Variants in RTKN2 observed in about 807,000 individuals in gnomAD.
The protein encoded by RTKN2 is rhotekin 2.
In RTKN2, 69 loss-of-function variants were observed where a neutral mutation model predicts 71.5. The observed-to-expected ratio is 0.96, with a 90% CI of 0.79 to 1.18. The LOEUF is 1.18. Among genes scored for constraint, RTKN2 ranks in the 50% most tolerant of loss-of-function variants. The pLI is 0.00. For missense variants in RTKN2, 724 were observed against 719.7 expected, an observed-to-expected ratio of 1.01 and a Z score of -0.07; for synonymous variants, 236 against 236.5, an observed-to-expected ratio of 1.00 and a Z score of 0.02.
At chr10:62,200,883 T>A (rs958004514) in intron 10 of RTKN2, among the ~76,000 whole-genome samples, 1 of 152,104 alleles carries the variant, frequency 6.6e-6, no homozygotes, top group African/African-American at 2.4e-5. Flanking sequence ...AAGAAAAAAA[T>A]AGTCTTGAAT....
rs1218559774 is a variant in RTKN2 at position 62,200,288 on chromosome 10, G to A, written c.1187-427C>T. Reference sequence around the variant, plus strand: ...TGAGGCAGGAGGATCACTTGAACTTGGGAGGCAGAGGTTACAATGAGCCGA... The same window carrying A: ...TGAGGCAGGAGGATCACTTGAACTTAGGAGGCAGAGGTTACAATGAGCCGA... On this transcript the variant is annotated intron_variant, in intron 10 of 11. Coordinates refer to ENST00000373789, the MANE Select transcript of RTKN2 (RefSeq NM_145307.4). 2.8e-5 allele frequency among the ~76,000 whole-genome samples: 4 copies of A among 141,952 alleles called. 1 individual carries two copies. The highest frequency in any genetic ancestry group is 7.1e-3 in the Middle Eastern group (2 of 282). The allele number at this position is 141,952 out of a possible 152,430, so 93.1% of individuals were successfully genotyped here. A position where few individuals can be genotyped will look rare whatever the true frequency, so the allele number is the denominator to read the frequency against.
intron 1 of RTKN2, 51 bp downstream of exon 1, chr10:62,268,500 C>T: frequency 6.6e-7 from 1 of 1,515,350 alleles, no homozygotes; most frequent in Non-Finnish European, 9.0e-7. Flanking sequence ...GCGCGAGGAA[C>T]AGAACCCCGG....
chr10:62,229,767 T>C (rs1198465007), intron 6 of RTKN2, among the ~76,000 whole-genome samples: 4 of 152,206 alleles, frequency 2.6e-5, no homozygotes, highest in Admixed American at 2.0e-4. Flanking sequence ...CCAAACTATA[T>C]GTTTAAATTT....
rs895206479 is a variant in RTKN2 at position 62,205,988 on chromosome 10, T to C, written c.1021-966A>G. On this transcript the variant is annotated intron_variant, in intron 9 of 11. Coordinates refer to ENST00000373789, the MANE Select transcript of RTKN2 (RefSeq NM_145307.4). ...AGTACAATGTGAGCCACATATGTAATTGAAAATTTTCTAAAAACCACAATA... is the reference window on the plus strand; with the variant it reads ...AGTACAATGTGAGCCACATATGTAACTGAAAATTTTCTAAAAACCACAATA... Among the ~76,000 whole-genome samples, 3 of 152,168 alleles carry C rather than the reference T, an allele frequency of 2.0e-5. No individual in the cohort carries two copies. In the South Asian group the frequency reaches 6.2e-4, roughly 32 times the overall value.
In RTKN2 at chr10:62,262,803, T is replaced by C; in HGVS notation, c.79A>G (p.Lys27Glu). 1.2e-6 allele frequency: 2 copies of C among 1,607,830 alleles called. No homozygotes were observed. Among genetic ancestry groups the C allele is most frequent in the Non-Finnish European group, 1.7e-6 (2 of 1,177,530 alleles). The part of the protein sequence containing the change: ...PTQQDCNIQE[K>E]IDLEIRMREG... ...CGCATTCGAATTTCTAAGTCTATTT[T>C]TTCTTGAATGTTGCAGTCCTAAAAA... Residue 27 changes from lysine to glutamate, a missense_variant, in exon 2 of 12, where the codon AAA (lysine) becomes GAA (glutamate). Lys to Glu is a moderately conservative substitution (Grantham distance 56). Transcript: ENST00000373789.
intron 9 of RTKN2, among the ~76,000 whole-genome samples, chr10:62,214,407 T>C (rs1334991182): frequency 1.3e-5 from 2 of 152,140 alleles, no homozygotes; most frequent in African/African-American, 4.8e-5. Flanking sequence ...TAATGGCCAA[T>C]TGTGGAAGAA....
chr10:62,200,001 C>T, intron 10 of RTKN2, 140 bp from the exon 11 acceptor site: 1 of 556,880 alleles, frequency 1.8e-6, no homozygotes, highest in East Asian at 2.9e-5. Context: ...TTAAGGGAGG[C>T]TTGCAGAAAA....
chr10:62,187,457 A>C (rs1841155159), intron 8 of RTKN2, among the ~76,000 whole-genome samples: 1 of 152,082 alleles, frequency 6.6e-6, no homozygotes, highest in Non-Finnish European at 1.5e-5. Flanking sequence ...CAGAGCCCTC[A>C]GGCCTCTCCT....
intron 9 of RTKN2, among the ~76,000 whole-genome samples, chr10:62,215,790 CA>C (rs1841757526): frequency 6.6e-6 from 1 of 151,288 alleles, no homozygotes; most frequent in African/African-American, 2.4e-5. Flanking sequence ...CTGAAATTTT[CA>C]AAAGACTAAA....
chr10:62,213,584 G>A (rs1396112472), intron 9 of RTKN2, among the ~76,000 whole-genome samples: 2 of 151,992 alleles, frequency 1.3e-5, no homozygotes, highest in Non-Finnish European at 2.9e-5. Context: ...AATTTTCTTA[G>A]CTGTGATAAT....
chr10:62,197,220 T>C lies in RTKN2; in HGVS notation c.*688A>G, dbSNP rs1841349054. 1.0e-6 allele frequency: 1 copy of C among 985,212 alleles called. No individual in the cohort carries two copies. The highest frequency in any genetic ancestry group is 6.2e-5 in the Admixed American group (1 of 16,246). 61.0% of individuals were successfully genotyped at this position (985,212 alleles called of 1,614,324 possible). On this transcript the variant is annotated 3_prime_UTR_variant, in exon 12 of 12. Coordinates refer to ENST00000373789, the MANE Select transcript of RTKN2 (RefSeq NM_145307.4). ...TAAAGAGCATTTCATCTACCATTTC[T>C]CTAAACTAGTAAGTGTTATGCTTCA...
chr10:62,263,377 T>C (rs1842811550), intron 1 of RTKN2, among the ~76,000 whole-genome samples: 1 of 152,224 alleles, frequency 6.6e-6, no homozygotes, highest in South Asian at 2.1e-4. Context: ...AATTCTTTCC[T>C]AGGGCCTGCA....
chr10:62,240,491 C>G (rs1842352474), intron 4 of RTKN2, among the ~76,000 whole-genome samples: 1 of 152,150 alleles, frequency 6.6e-6, no homozygotes, highest in Non-Finnish European at 1.5e-5. Context: ...ATAATAAATA[C>G]TAACCTGATT....
intron 1 of RTKN2, 77 bp from the exon 2 acceptor site, chr10:62,262,898 TATC>T (rs1440262257): frequency 1.2e-6 from 1 of 840,158 alleles, no homozygotes; most frequent in Admixed American, 2.8e-5. Context: ...CGAAAATAGG[TATC>T]ATAATTGTAT....
intron 2 of RTKN2, among the ~76,000 whole-genome samples, chr10:62,256,698 G>A (rs920261049): frequency 6.6e-6 from 1 of 151,986 alleles, no homozygotes; most frequent in African/African-American, 2.4e-5. Flanking sequence ...GTATGCGTGT[G>A]TGTGTCTGTG....
intron 1 of RTKN2, among the ~76,000 whole-genome samples, chr10:62,263,294 C>T (rs1364221113): frequency 1.3e-5 from 2 of 152,082 alleles, no homozygotes; most frequent in African/African-American, 2.4e-5. Context: ...AAGACAGAGA[C>T]TAATATGTCT....
chr10:62,189,396 T>C (rs1011955437), downstream of RTKN2, among the ~76,000 whole-genome samples: 1 of 152,220 alleles, frequency 6.6e-6, no homozygotes, highest in African/African-American at 2.4e-5. Context: ...CTCATGACTC[T>C]GAAAGGCCAT....
chr10:62,240,038 C>T lies in RTKN2; in HGVS notation c.371-273G>A, dbSNP rs543834042. On this transcript the variant is annotated intron_variant, in intron 4 of 11. Transcript: ENST00000373789. ...ACCACCAAACTCATAAATTTTATTC[C>T]TATTAAACTTCTTAAGCTTTAATTA... 2.0e-5 allele frequency among the ~76,000 whole-genome samples: 3 copies of T among 152,168 alleles called. No homozygotes were observed. The South Asian group carries it at 6.2e-4, about 32-fold the overall frequency.
chr10:62,236,952 G>A (rs1219705407), intron 5 of RTKN2, among the ~76,000 whole-genome samples: 1 of 151,762 alleles, frequency 6.6e-6, no homozygotes, highest in East Asian at 1.9e-4. Context: ...AAAAACAGTG[G>A]TTACCATGGG....
Sources: gnomAD v4.1 joint callset for allele counts (sites outside exome capture counted in the v4.1 genomes callset) on GRCh38, gnomAD v4.1.1 for gene constraint, MANE v1.5 for transcripts, NCBI Gene and HGNC (gene_info 2026-07-23, HGNC 2026-07-21) for gene names.